The following DNAI7 variants were observed in gnomAD, a reference collection of about 807,000 sequenced individuals.
DNAI7 encodes cancer susceptibility 1.
Under a neutral mutation model 86.6 loss-of-function variants are expected in DNAI7, and 78 were observed. The ratio of observed to expected loss-of-function variants is 0.90; its 90% CI spans 0.75 to 1.09. DNAI7 has a LOEUF of 1.09. DNAI7 is among the 50% of genes least tolerant of loss of function. The pLI is 0.00. For missense variants in DNAI7, 753 were observed against 810.2 expected (o/e 0.93, Z 0.86); for synonymous variants, 274 against 273.0 (o/e 1.00, Z -0.04).
At chr12:25,174,382 T>TG (rs377684262) in intron 2 of DNAI7, among the ~76,000 whole-genome samples, 21 of 78 alleles carry the variant, frequency 0.27, 9 homozygotes, top group African/African-American at 0.39. Context: ...TTATATCATA[T>TG]ATATGGGATA....
chr12:25,120,337 A>AGAGAGAGAGAGAGG, intron 11 of DNAI7, among the ~76,000 whole-genome samples: 1 of 149,182 alleles, frequency 6.7e-6, no homozygotes, highest in Non-Finnish European at 1.5e-5. Context: ...AGAGAGAGAG[A>AGAGAGAGAGAGAGG]GAGAGGAAGG....
At chr12:25,117,938 C>CTTTCTT (rs1555154890) in intron 12 of DNAI7, among the ~76,000 whole-genome samples, 22,310 of 134,834 alleles carry the variant, frequency 0.17, 2,381 homozygotes, top group Middle Eastern at 0.2. Context: ...TTTTCTTTTT[C>CTTTCTT]TTTTTTTTTT....
chr12:25,182,511 A>G (rs1949612317), intron 2 of DNAI7, among the ~76,000 whole-genome samples: 2 of 151,702 alleles, frequency 1.3e-5, no homozygotes, highest in South Asian at 4.2e-4. Context: ...ACTCAGGCTG[A>G]GGTGGGAGGA....
At chr12:25,160,828 T>C (rs968427053) in intron 3 of DNAI7, among the ~76,000 whole-genome samples, 2 of 152,184 alleles carry the variant, frequency 1.3e-5, no homozygotes, top group African/African-American at 4.8e-5. Flanking sequence ...GTCCCAAGTA[T>C]TGCATGGGAC....
chr12:25,182,073 C>G (rs906280063), intron 2 of DNAI7, among the ~76,000 whole-genome samples: 1 of 149,724 alleles, frequency 6.7e-6, no homozygotes, highest in Non-Finnish European at 1.5e-5. Flanking sequence ...GTAGGCTGGG[C>G]GCGGTGGCTC....
chr12:25,111,900 T>G lies in DNAI7; in HGVS notation c.1651A>C (p.Lys551Gln). Residue 551 changes from lysine (K) to glutamine (Q), a missense_variant, in exon 14 of 16, where the codon AAG (lysine) becomes CAG (glutamine). Physicochemically the swap from Lys to Gln is moderately conservative, Grantham distance 53 (BLOSUM62 1). Transcript: ENST00000395987. ...CMLSSIKLKDKKHISILEGTW... is the reference protein window; with the variant it reads ...CMLSSIKLKDQKHISILEGTW... ...CCTTCCAAAATAGAGATGTGTTTCTTGTCTTTTAGTTTGATTGAAGATAAC... is the reference window on the plus strand; with the variant it reads ...CCTTCCAAAATAGAGATGTGTTTCTGGTCTTTTAGTTTGATTGAAGATAAC... The G allele has an allele frequency of 6.2e-7, 1 of 1,602,428 alleles. No individual in the cohort carries two copies. Among genetic ancestry groups the G allele is most frequent in the Non-Finnish European group, 8.5e-7 (1 of 1,175,174 alleles).
intron 9 of DNAI7, among the ~76,000 whole-genome samples, chr12:25,139,700 G>A (rs1176788564): frequency 6.6e-6 from 1 of 152,114 alleles, no homozygotes; most frequent in African/African-American, 2.4e-5. Flanking sequence ...GCCTGTCGGG[G>A]GATGGGGTGA....
intron 12 of DNAI7, among the ~76,000 whole-genome samples, chr12:25,117,619 T>C (rs1430388666): frequency 6.6e-6 from 1 of 152,194 alleles, no homozygotes; most frequent in Non-Finnish European, 1.5e-5. Flanking sequence ...AAAGAGGTAT[T>C]TGTTAATGAT....
At chr12:25,120,317 GGAGA>G (rs369253749) in intron 11 of DNAI7, among the ~76,000 whole-genome samples, 79 of 80,800 alleles carry the variant, frequency 9.8e-4, no homozygotes, top group African/African-American at 2.2e-3. Flanking sequence ...GCAGGAAGAG[GGAGA>G]GAGAGAGAGA....
At chr12:25,119,120 T>C (rs2140430339) in intron 12 of DNAI7, 25 bp downstream of exon 12, 1 of 1,562,184 alleles carries the variant, frequency 6.4e-7, no homozygotes, top group South Asian at 1.2e-5. Context: ...TCCCTCCTTT[T>C]ATTACATAAT....
In DNAI7 at chr12:25,175,006, G is replaced by A. The variant is rs182653414; in HGVS notation, c.22-13809C>T. Among the ~76,000 whole-genome samples the A allele has an allele frequency of 5.9e-5, 9 of 151,930 alleles. No individual in the cohort carries two copies. In the East Asian group the frequency reaches 1.5e-3, roughly 26 times the overall value. The stretch of plus-strand genomic sequence containing the variant: ...AGGGATAGAAGACTACAAATACGGT[G>A]CAGTGTATACTGCTCGGGTGATGGG... On this transcript the variant is annotated intron_variant, in intron 2 of 15. Coordinates refer to ENST00000395987, the MANE Select transcript of DNAI7 (RefSeq NM_018272.5).
intron 9 of DNAI7, among the ~76,000 whole-genome samples, chr12:25,138,029 C>A (rs570331696): frequency 2.0e-4 from 31 of 151,724 alleles, no homozygotes; most frequent in Non-Finnish European, 4.1e-4. Context: ...CAAAACTATA[C>A]CCTAGAACAA....
Position 25,121,944 on chromosome 12 carries a change from T to G in DNAI7, c.1079-31A>C, listed in dbSNP as rs565945565. 2.6e-5 allele frequency: 38 copies of G among 1,442,218 alleles called. No individual in the cohort carries two copies. The East Asian group carries it at 8.8e-4, about 34-fold the overall frequency. 89.3% of individuals were successfully genotyped at this position (1,442,218 alleles called of 1,614,324 possible). On this transcript the variant is annotated intron_variant, in intron 10 of 15. Coordinates refer to ENST00000395987, the MANE Select transcript of DNAI7 (RefSeq NM_018272.5). ...ATTAATCAGATTAACAGTTTTCAAA[T>G]AGATTACAGTTTAGTATGTTCTTAG... is the stretch of plus-strand genomic sequence containing the variant.
At position 25,147,039 on chromosome 12, in the gene DNAI7, A is replaced by G; in HGVS notation, c.651T>C (p.Val217=). The G allele has an allele frequency of 1.2e-6, 2 of 1,606,260 alleles. No homozygotes were observed. The highest frequency in any genetic ancestry group is 1.7e-6 in the Non-Finnish European group (2 of 1,172,834). ...TGAGGTTTGCCCACACATACAGAGT[A>G]ACATTTTCATCTTTAATGACTTTTT... ...NMEKVIKDEN[V]TLYVWANLKK... The change falls in exon 8 of 16, where the codon GTT becomes GTC. Residue 217 remains valine, a synonymous_variant. Coordinates refer to ENST00000395987, the MANE Select transcript of DNAI7 (RefSeq NM_018272.5).
downstream of DNAI7, chr12:25,107,716 GGGGTA>G (rs1263069283): frequency 1.3e-5 from 15 of 1,121,536 alleles, no homozygotes; most frequent in Middle Eastern, 2.2e-4. Flanking sequence ...GGCAGTTTTG[GGGGTA>G]TGAAGGGCAG....
chr12:25,148,089 T>G (rs1166905371), intron 7 of DNAI7, among the ~76,000 whole-genome samples: 1 of 152,254 alleles, frequency 6.6e-6, no homozygotes, highest in Non-Finnish European at 1.5e-5. Context: ...ATTAATTTTT[T>G]TAAGTGTGAT....
intron 11 of DNAI7, among the ~76,000 whole-genome samples, chr12:25,120,382 AT>A (rs1211989144): frequency 1.4e-5 from 2 of 144,198 alleles, no homozygotes; most frequent in Non-Finnish European, 3.1e-5. Context: ...CTGGGTATAT[AT>A]GGTAGTATTC....
chr12:25,188,103 T>C (rs1950199948), intron 2 of DNAI7, among the ~76,000 whole-genome samples: 1 of 152,210 alleles, frequency 6.6e-6, no homozygotes, highest in Admixed American at 6.5e-5. Context: ...GAAGCAAACA[T>C]CTTCTGTTGA....
chr12:25,172,385 T>C (rs143867284), intron 2 of DNAI7, among the ~76,000 whole-genome samples: 11,021 of 152,058 alleles, frequency 0.072, 425 homozygotes, highest in South Asian at 0.13. Context: ...CTTAGGAATA[T>C]ACCTAACCAA....
Sources: allele counts gnomAD v4.1 joint callset (sites outside exome capture counted in the v4.1 genomes callset), GRCh38; gene constraint gnomAD v4.1.1; transcripts MANE v1.5; gene names NCBI Gene and HGNC (gene_info 2026-07-23, HGNC 2026-07-21).